The following GPATCH2 variants were observed in gnomAD, a reference collection of about 807,000 sequenced individuals.
The protein encoded by GPATCH2 is G-patch domain containing 2.
A neutral mutation model predicts 58.0 loss-of-function variants in GPATCH2; 51 were observed. The ratio of observed to expected loss-of-function variants is 0.88; its 90% CI spans 0.70 to 1.11. The LOEUF is 1.11. Among genes scored for constraint, GPATCH2 ranks in the 50% most tolerant of loss-of-function variants. GPATCH2 has a pLI of 0.00. For missense variants in GPATCH2, 625 were observed against 652.2 expected, an observed-to-expected ratio of 0.96 and a Z score of 0.45; for synonymous variants, 222 against 218.5, an observed-to-expected ratio of 1.02 and a Z score of -0.14.
chr1:217,526,921 G>T (rs542439550), intron 5 of GPATCH2, among the ~76,000 whole-genome samples: 7 of 152,330 alleles, frequency 4.6e-5, no homozygotes, highest in East Asian at 3.9e-4. Flanking sequence ...AGGCATCAAG[G>T]TTGTGTGTTC....
chr1:217,497,298 G>A (rs1662059542), intron 7 of GPATCH2, among the ~76,000 whole-genome samples: 1 of 152,092 alleles, frequency 6.6e-6, no homozygotes, highest in Non-Finnish European at 1.5e-5. Context: ...CATCATAGAT[G>A]TAGCTTAGCT....
intron 5 of GPATCH2, among the ~76,000 whole-genome samples, chr1:217,570,613 T>C (rs1044695674): frequency 6.6e-6 from 1 of 152,262 alleles, no homozygotes; most frequent in African/African-American, 2.4e-5. Flanking sequence ...ATTTCCTTTG[T>C]AGCTATAAAA....
intron 5 of GPATCH2, among the ~76,000 whole-genome samples, chr1:217,540,533 CAT>C (rs1664687026): frequency 6.6e-6 from 1 of 152,136 alleles, no homozygotes; most frequent in Non-Finnish European, 1.5e-5. Flanking sequence ...CTTTTAGTAA[CAT>C]AGCAGTGATT....
intron 8 of GPATCH2, among the ~76,000 whole-genome samples, chr1:217,455,111 T>C (rs1659882668): frequency 6.6e-6 from 1 of 152,184 alleles, no homozygotes; most frequent in Non-Finnish European, 1.5e-5. Context: ...AAACCTGATC[T>C]TAGCAAGAGG....
In GPATCH2 at chr1:217,595,866, C is replaced by T. The variant is rs571873366; in HGVS notation, c.1098+14455G>A. ...GAACCCATAAAATGGATCCTATAAA[C>T]GTGCTCCTTAGAAAACATTAAGTGT... On this transcript the variant is annotated intron_variant, in intron 5 of 9. Coordinates refer to ENST00000366935, the MANE Select transcript of GPATCH2 (RefSeq NM_018040.5). 7.2e-4 allele frequency among the ~76,000 whole-genome samples: 110 copies of T among 152,154 alleles called. 1 individual carries two copies. Among genetic ancestry groups the T allele is most frequent in the East Asian group, 1.7e-3 (9 of 5,182 alleles).
chr1:217,505,966 G>A (rs908134430), intron 6 of GPATCH2, among the ~76,000 whole-genome samples: 1 of 152,172 alleles, frequency 6.6e-6, no homozygotes, highest in African/African-American at 2.4e-5. Context: ...GGGATTACAG[G>A]CATGTGCCAC....
chr1:217,513,490 T>A (rs895547881), intron 6 of GPATCH2, among the ~76,000 whole-genome samples: 19 of 152,152 alleles, frequency 1.2e-4, no homozygotes, highest in African/African-American at 4.1e-4. Context: ...CCACAAAAAA[T>A]TTATTCAATA....
In GPATCH2 at chr1:217,449,450, C is replaced by T. The variant is rs1156367515; in HGVS notation, c.1278-113G>A. On this transcript the variant is annotated intron_variant, in intron 8 of 9. Coordinates refer to ENST00000366935, the MANE Select transcript of GPATCH2 (RefSeq NM_018040.5). The stretch of plus-strand genomic sequence containing the variant: ...AACGTTCTCAACAAAGATGGAGCTG[C>T]GTAGTAAAATCACCAATCTTGTTTA... 1.5e-5 allele frequency: 10 copies of T among 674,774 alleles called. No individual in the cohort carries two copies. The East Asian group carries it at 1.6e-4, about 10-fold the overall frequency. The allele number at this position is 674,774 out of a possible 1,614,324, so 41.8% of individuals were successfully genotyped here. A position where few individuals can be genotyped will look rare whatever the true frequency, so the allele number is the denominator to read the frequency against.
intron 5 of GPATCH2, among the ~76,000 whole-genome samples, chr1:217,545,420 G>A (rs1242392592): frequency 6.6e-6 from 1 of 152,150 alleles, no homozygotes; most frequent in Non-Finnish European, 1.5e-5. Flanking sequence ...TCATCATAGA[G>A]GGTATTTGGG....
intron 6 of GPATCH2, 59 bp from the exon 7 acceptor site, chr1:217,498,454 A>G (rs560001152): frequency 7.9e-7 from 1 of 1,270,938 alleles, no homozygotes; most frequent in African/African-American, 1.4e-5. Flanking sequence ...GTGCTCTCAC[A>G]TGATCGAGCC....
intron 8 of GPATCH2, among the ~76,000 whole-genome samples, chr1:217,454,449 C>T (rs969978241): frequency 7.9e-5 from 12 of 151,564 alleles, no homozygotes; most frequent in Admixed American, 5.3e-4. Flanking sequence ...ATTAGCCGGG[C>T]GTGGTGGTGG....
intron 9 of GPATCH2, among the ~76,000 whole-genome samples, chr1:217,440,805 G>A (rs889090380): frequency 6.6e-6 from 1 of 152,162 alleles, no homozygotes; most frequent in Non-Finnish European, 1.5e-5. Flanking sequence ...TAAAAGGGAT[G>A]TGAAGGACCT....
intron 5 of GPATCH2, among the ~76,000 whole-genome samples, chr1:217,566,042 G>C (rs1265243473): frequency 6.8e-6 from 1 of 147,134 alleles, no homozygotes; most frequent in Non-Finnish European, 1.5e-5. Flanking sequence ...CAGAGGTTGT[G>C]GTGAGCCGAG....
chr1:217,608,232 A>C (rs551739235), intron 5 of GPATCH2: 1 of 965,026 alleles, frequency 1.0e-6, no homozygotes, highest in East Asian at 1.1e-4. Context: ...AAAAAATTAC[A>C]GTACTTAAAA....
Position 217,571,225 on chromosome 1 carries a change from T to C in GPATCH2, c.1098+39096A>G, listed in dbSNP as rs544386930. On this transcript the variant is annotated intron_variant, in intron 5 of 9. Coordinates refer to ENST00000366935, the MANE Select transcript of GPATCH2 (RefSeq NM_018040.5). ...GTAATAGGGACATTAAACTGGCATT[T>C]ATTTTAACATACACACACTCTCTCT... 2.6e-5 allele frequency among the ~76,000 whole-genome samples: 4 copies of C among 152,326 alleles called. No individual in the cohort carries two copies. The South Asian group carries it at 6.2e-4, about 24-fold the overall frequency.
At chr1:217,628,617 A>G (rs1259492526) in intron 1 of GPATCH2, among the ~76,000 whole-genome samples, 2 of 151,986 alleles carry the variant, frequency 1.3e-5, no homozygotes, top group Non-Finnish European at 2.9e-5. Flanking sequence ...ATGCAGAAAC[A>G]AAAGTCCAGA....
intron 7 of GPATCH2, among the ~76,000 whole-genome samples, chr1:217,497,666 T>C (rs1036368902): frequency 3.3e-5 from 5 of 152,184 alleles, no homozygotes; most frequent in Non-Finnish European, 7.4e-5. Context: ...GATTTGAGGT[T>C]GACCACTCCC....
chr1:217,614,243 T>C (rs963202903), intron 2 of GPATCH2, 41 bp from the exon 3 acceptor site: 1 of 1,178,998 alleles, frequency 8.5e-7, no homozygotes, highest in Non-Finnish European at 1.3e-6. Flanking sequence ...AAAAGAACAA[T>C]TGATCTCTCA....
At position 217,501,666 on chromosome 1, in the gene GPATCH2, C is replaced by A. The variant is rs938218529; in HGVS notation, c.1167-3271G>T. Among the ~76,000 whole-genome samples, 3 of 151,974 alleles carry A rather than the reference C, an allele frequency of 2.0e-5. No individual in the cohort carries two copies. The East Asian group carries it at 5.8e-4, about 29-fold the overall frequency. On this transcript the variant is annotated intron_variant, in intron 6 of 9. Transcript: ENST00000366935. ...ATATGTAGTGATATCTCATTGTGGT[C>A]CTAATTTGCATTTCTCTAATAGATA...
Sources: allele counts gnomAD v4.1 joint callset (sites outside exome capture counted in the v4.1 genomes callset), GRCh38; gene constraint gnomAD v4.1.1; transcripts MANE v1.5; gene names NCBI Gene and HGNC (gene_info 2026-07-23, HGNC 2026-07-21).